Variants in TRIM49 observed in about 807,000 individuals in gnomAD.
TRIM49 encodes tripartite motif containing 49, also known as tripartite motif-containing protein 49.
Under a neutral mutation model 27.4 loss-of-function variants are expected in TRIM49, and 5 were observed. The ratio of observed to expected loss-of-function variants is 0.18; its 90% CI spans 0.10 to 0.38. The LOEUF is 0.38. TRIM49 is among the 10% of genes least tolerant of loss of function. The probability of loss-of-function intolerance (pLI) is 1.00; values close to 1 mark genes in which losing one functional copy is unlikely to be tolerated. For missense variants in TRIM49, 188 were observed against 487.5 expected (o/e 0.39, Z 5.79); for synonymous variants, 69 against 166.0 (o/e 0.42, Z 4.49).
downstream of TRIM49, among the ~76,000 whole-genome samples, chr11:89,793,655 C>T (rs1949670144): frequency 1.3e-5 from 2 of 151,984 alleles, no homozygotes; most frequent in Admixed American, 1.3e-4. Flanking sequence ...TCAATAGATG[C>T]AGAAAAGGCC....
chr11:89,787,936 T>G, the TRIM49 span: 1 of 359,666 alleles, frequency 2.8e-6, no homozygotes, highest in East Asian at 5.8e-5. Flanking sequence ...CGCGTGTATT[T>G]CCGCGCTGTC....
At chr11:89,807,815 T>C (rs1364818670) in intron 1 of TRIM49, among the ~76,000 whole-genome samples, 13 of 149,700 alleles carry the variant, frequency 8.7e-5, no homozygotes, top group Admixed American at 8.5e-4. Context: ...AGAGTACAGG[T>C]ATAAACCACC....
chr11:89,785,149 G>T, the TRIM49 span, among the ~76,000 whole-genome samples: 1 of 145,978 alleles, frequency 6.9e-6, no homozygotes, highest in East Asian at 2.0e-4. Context: ...AACCGAGGAG[G>T]CAAAGATAGC....
downstream of TRIM49, among the ~76,000 whole-genome samples, chr11:89,794,357 T>C (rs1358365632): frequency 7.7e-5 from 10 of 130,576 alleles, no homozygotes; most frequent in Admixed American, 3.1e-4. Context: ...AAGCTACCAA[T>C]GACTTTCTTC....
At chr11:89,785,237 T>C in the TRIM49 span, among the ~76,000 whole-genome samples, 34 of 98,818 alleles carry the variant, frequency 3.4e-4, no homozygotes, top group Admixed American at 6.3e-4. Context: ...AATAAATAAA[T>C]AAATAAATAA....
At chr11:89,778,455 AC>A in the TRIM49 span, among the ~76,000 whole-genome samples, 1 of 126,384 alleles carries the variant, frequency 7.9e-6, no homozygotes, top group African/African-American at 2.9e-5. Flanking sequence ...AATAGAGGAA[AC>A]AATTGACCCA....
chr11:89,776,914 T>G, the TRIM49 span: 1 of 1,503,530 alleles, frequency 6.7e-7, no homozygotes, highest in South Asian at 1.3e-5. Context: ...CTTTTTTTCC[T>G]TTTCATCGGG....
chr11:89,787,763 G>C, the TRIM49 span: 3 of 642,662 alleles, frequency 4.7e-6, no homozygotes, highest in South Asian at 1.7e-5. Context: ...GGAGAAACCC[G>C]AGGCGGAGGA....
the TRIM49 span, chr11:89,766,698 C>T: frequency 6.5e-7 from 1 of 1,530,292 alleles, no homozygotes; most frequent in Non-Finnish European, 8.8e-7. Flanking sequence ...ACTCACACTT[C>T]CACTTTCAAA....
Position 89,803,906 on chromosome 11 carries a change from T to A in TRIM49, c.412-113A>T, listed in dbSNP as rs1782827494. The A allele has an allele frequency of 5.3e-5, 40 of 758,324 alleles. 1 individual carries two copies. The South Asian group carries it at 7.2e-4, about 14-fold the overall frequency. The allele number at this position is 758,324 out of a possible 1,614,324, so 47.0% of individuals were successfully genotyped here. A position where few individuals can be genotyped will look rare whatever the true frequency, so the allele number is the denominator to read the frequency against. On this transcript the variant is annotated intron_variant, in intron 3 of 7. Coordinates refer to ENST00000329758, the MANE Select transcript of TRIM49 (RefSeq NM_020358.2). ...ATGGCATTTCCTTTGTTTCCCTTCA[T>A]GTTTGTCAAAGCCCAGAGGTTGGAA...
the TRIM49 span, among the ~76,000 whole-genome samples, chr11:89,783,555 G>T: frequency 8.1e-5 from 10 of 123,496 alleles, no homozygotes; most frequent in Admixed American, 2.3e-4. Context: ...AAAGATGAAG[G>T]TTCCTATATA....
At chr11:89,791,717 C>A in the TRIM49 span, among the ~76,000 whole-genome samples, 1 of 152,164 alleles carries the variant, frequency 6.6e-6, no homozygotes, top group African/African-American at 2.4e-5. Flanking sequence ...ACCACCAGGC[C>A]TGCCCTAAAA....
At chr11:89,775,706 A>T in the TRIM49 span, among the ~76,000 whole-genome samples, 12,658 of 132,088 alleles carry the variant, frequency 0.096, 2,181 homozygotes, top group East Asian at 0.29. Context: ...ATGGGAAAAA[A>T]CTTTCCTAAA....
intron 2 of TRIM49, among the ~76,000 whole-genome samples, chr11:89,805,081 C>G (rs1949778294): frequency 6.6e-6 from 1 of 151,734 alleles, no homozygotes; most frequent in Non-Finnish European, 1.5e-5. Context: ...AAAAGCCAAC[C>G]AACCAAATAA....
At chr11:89,768,818 C>T in the TRIM49 span, 1 of 504,826 alleles carries the variant, frequency 2.0e-6, no homozygotes, top group South Asian at 1.4e-5. Flanking sequence ...ACATACCTTG[C>T]CACCATGTCT....
chr11:89,775,576 CT>C, the TRIM49 span, among the ~76,000 whole-genome samples: 4 of 129,820 alleles, frequency 3.1e-5, no homozygotes, highest in Non-Finnish European at 6.2e-5. Flanking sequence ...CATATCTTCA[CT>C]TTTTTTGTTG....
the TRIM49 span, chr11:89,785,926 C>A: frequency 2.1e-5 from 3 of 141,606 alleles, no homozygotes; most frequent in Non-Finnish European, 4.5e-5. Context: ...GTGCCGCGAT[C>A]CCCCGCCCAC....
chr11:89,786,726 C>A, the TRIM49 span: 1 of 137,210 alleles, frequency 7.3e-6, no homozygotes, highest in East Asian at 2.1e-4. Flanking sequence ...GAGTCCCAGA[C>A]CCCAGGAGAG....
At chr11:89,785,402 GAGAACTATGTTTAATTCTCACTAT>G in the TRIM49 span, among the ~76,000 whole-genome samples, 1 of 141,802 alleles carries the variant, frequency 7.1e-6, no homozygotes, top group East Asian at 2.1e-4. Context: ...GAATATTTTT[GAGAACTATGTTTAATTCTCACTAT>G]AGAAAGATGT....
Sources: gnomAD v4.1 joint callset for allele counts (sites outside exome capture counted in the v4.1 genomes callset) on GRCh38, gnomAD v4.1.1 for gene constraint, MANE v1.5 for transcripts, NCBI Gene and HGNC (gene_info 2026-07-23, HGNC 2026-07-21) for gene names.